DLGAP2: variants seen among roughly 807,000 people sequenced by gnomAD.
DLGAP2 encodes the protein DLG associated protein 2.
Under a neutral mutation model 100.3 loss-of-function variants are expected in DLGAP2, and 26 were observed. The observed-to-expected ratio is 0.26, with a 90% confidence interval of 0.19 to 0.36. DLGAP2 has a LOEUF of 0.36. Ranked by LOEUF, DLGAP2 falls within the 10% of genes least tolerant of loss-of-function variation. The probability of loss-of-function intolerance (pLI) is 1.00; values close to 1 mark genes in which losing one functional copy is unlikely to be tolerated. For synonymous variants in DLGAP2, 886 were observed against 630.1 expected (o/e 1.41, Z -6.08); for missense variants, 1,858 against 1,453.2 (o/e 1.28, Z -4.53).
At chr8:1,651,013 A>AGC in intron 8 of DLGAP2, among the ~76,000 whole-genome samples, 1 of 152,214 alleles carries the variant, frequency 6.6e-6, no homozygotes, top group Non-Finnish European at 1.5e-5. Flanking sequence ...ACCACCAAGA[A>AGC]AACCCCTGCT....
chr8:1,609,073 C>T (rs201074285), intron 6 of DLGAP2, among the ~76,000 whole-genome samples: 62,546 of 125,798 alleles, frequency 0.5, 16,625 homozygotes, highest in East Asian at 0.59. Flanking sequence ...AGAGCAACTC[C>T]AAGACACATA....
chr8:1,690,175 G>A (rs1212884563), intron 12 of DLGAP2, among the ~76,000 whole-genome samples: 3 of 152,048 alleles, frequency 2.0e-5, no homozygotes, highest in Non-Finnish European at 4.4e-5. Context: ...GGCCAACATG[G>A]TGAAACGCTG....
intron 3 of DLGAP2, among the ~76,000 whole-genome samples, chr8:1,274,872 C>A (rs1260009245): frequency 6.6e-6 from 1 of 152,012 alleles, no homozygotes; most frequent in African/African-American, 2.4e-5. Context: ...GGCTTTAATT[C>A]CTTCGGTAGC....
intron 3 of DLGAP2, chr8:1,300,309 G>A (rs1434979935): frequency 1.3e-5 from 2 of 152,156 alleles, no homozygotes; most frequent in Non-Finnish European, 2.9e-5. Context: ...TGGGTACTTG[G>A]ACCCTCCAGG....
intron 2 of DLGAP2, among the ~76,000 whole-genome samples, chr8:1,040,178 GTTTCCA>G (rs1802289360): frequency 7.2e-6 from 1 of 139,574 alleles, no homozygotes; most frequent in African/African-American, 3.0e-5. Flanking sequence ...TGTCAGCTCG[GTTTCCA>G]TGGTCAGCTC....
chr8:1,279,219 C>T (rs1799767072), intron 3 of DLGAP2, among the ~76,000 whole-genome samples: 1 of 152,166 alleles, frequency 6.6e-6, no homozygotes, highest in African/African-American at 2.4e-5. Flanking sequence ...TTTGTAAGAA[C>T]AGCGCTAAAG....
chr8:1,571,892 A>G (rs1316562781), intron 6 of DLGAP2, among the ~76,000 whole-genome samples: 1,686 of 25,736 alleles, frequency 0.066, no homozygotes, highest in Admixed American at 0.081. Context: ...GGGGGCGTCT[A>G]ATGAGATGGA....
At chr8:1,503,969 C>T (rs1350642272) in intron 4 of DLGAP2, among the ~76,000 whole-genome samples, 2 of 152,090 alleles carry the variant, frequency 1.3e-5, no homozygotes, top group African/African-American at 4.8e-5. Flanking sequence ...TGCAGGCACA[C>T]GGTGACCTGG....
At chr8:747,102 G>A (rs1157265274) in intron 1 of DLGAP2, among the ~76,000 whole-genome samples, 3 of 152,020 alleles carry the variant, frequency 2.0e-5, no homozygotes, top group Non-Finnish European at 4.4e-5. Flanking sequence ...TCGGGGGGCT[G>A]GGGAGAGCGA....
At chr8:1,425,008 C>A (rs374601606) in intron 3 of DLGAP2, among the ~76,000 whole-genome samples, 1 of 152,092 alleles carries the variant, frequency 6.6e-6, no homozygotes, top group Non-Finnish European at 1.5e-5. Context: ...ACAAAAATGC[C>A]CATGATGGTG....
At chr8:1,617,094 A>C (rs1352006384) in intron 6 of DLGAP2, among the ~76,000 whole-genome samples, 1 of 152,110 alleles carries the variant, frequency 6.6e-6, no homozygotes, top group East Asian at 1.9e-4. Context: ...ATAGTATTCC[A>C]CGGTGTACAT....
chr8:846,679 T>C (rs1419501978), intron 1 of DLGAP2, among the ~76,000 whole-genome samples: 1 of 152,218 alleles, frequency 6.6e-6, no homozygotes, highest in Non-Finnish European at 1.5e-5. Flanking sequence ...CATATGGTAG[T>C]TGTATTTTTA....
chr8:1,007,642 G>T (rs1801159446), intron 2 of DLGAP2, among the ~76,000 whole-genome samples: 1 of 147,514 alleles, frequency 6.8e-6, no homozygotes, highest in Admixed American at 6.7e-5. Context: ...TTTTGGGGGG[G>T]GGATCTTCTG....
In DLGAP2 at chr8:1,471,888, G is replaced by A. The variant is rs190150315; in HGVS notation, c.107-29478G>A. On this transcript the variant is annotated intron_variant, in intron 3 of 14. Coordinates refer to ENST00000637795, the MANE Select transcript of DLGAP2 (RefSeq NM_001346810.2). ...CCGTGACAGTTGAATGGGGCTCTGC[G>A]CAGGCCTGCGGTCCGTAAACGGTTG... is the stretch of plus-strand genomic sequence containing the variant. Among the ~76,000 whole-genome samples the A allele has an allele frequency of 2.1e-4, 32 of 152,314 alleles. 1 individual carries two copies. The East Asian group carries it at 4.6e-3, about 22-fold the overall frequency.
chr8:1,340,609 A>G (rs1801396170), intron 3 of DLGAP2, among the ~76,000 whole-genome samples: 1 of 152,230 alleles, frequency 6.6e-6, no homozygotes, highest in South Asian at 2.1e-4. Context: ...GAGAGAAAGA[A>G]ATGCTTACAC....
At chr8:1,217,592 GTAA>G (rs1798239083) in intron 2 of DLGAP2, among the ~76,000 whole-genome samples, 1 of 151,964 alleles carries the variant, frequency 6.6e-6, no homozygotes, top group Non-Finnish European at 1.5e-5. Context: ...TAGCAGTTTT[GTAA>G]TTCTCATTGT....
intron 1 of DLGAP2, among the ~76,000 whole-genome samples, chr8:768,095 G>A (rs1194020510): frequency 6.6e-6 from 1 of 152,170 alleles, no homozygotes; most frequent in Non-Finnish European, 1.5e-5. Flanking sequence ...CTTTGGGAGT[G>A]TAATCAGAGG....
At chr8:1,347,623 A>G (rs1244527000) in intron 3 of DLGAP2, among the ~76,000 whole-genome samples, 1 of 146,038 alleles carries the variant, frequency 6.8e-6, no homozygotes, top group Non-Finnish European at 1.5e-5. Context: ...GCTGCTTTGC[A>G]CTCATGGTAG....
chr8:1,267,627 T>TAA (rs61003863), intron 3 of DLGAP2, among the ~76,000 whole-genome samples: 3 of 39,422 alleles, frequency 7.6e-5, no homozygotes, highest in Admixed American at 2.3e-4. Context: ...ATAAGATAAA[T>TAA]ATTAAATAGG....
Sources: allele counts gnomAD v4.1 joint callset (sites outside exome capture counted in the v4.1 genomes callset), GRCh38; gene constraint gnomAD v4.1.1; transcripts MANE v1.5; gene names NCBI Gene and HGNC (gene_info 2026-07-23, HGNC 2026-07-21).